SMYD3: variants seen among roughly 807,000 people sequenced by gnomAD.
The protein encoded by SMYD3 is histone-lysine N-methyltransferase SMYD3.
In SMYD3, 36 loss-of-function variants were observed where a neutral mutation model predicts 57.7. That is an observed-to-expected ratio of 0.62 (90% CI 0.48 to 0.82). The LOEUF is 0.82. Among genes scored for constraint, SMYD3 ranks in the 40% least tolerant of loss-of-function variants. The probability of loss-of-function intolerance (pLI) is 0.00; values close to 1 mark genes in which losing one functional copy is unlikely to be tolerated. For synonymous variants in SMYD3, 211 were observed against 195.0 expected, an observed-to-expected ratio of 1.08 and a Z score of -0.68; for missense variants, 515 against 538.8, an observed-to-expected ratio of 0.96 and a Z score of 0.44.
intron 9 of SMYD3, among the ~76,000 whole-genome samples, chr1:245,860,675 C>T (rs1360850421): frequency 1.3e-5 from 2 of 152,228 alleles, no homozygotes; most frequent in Non-Finnish European, 2.9e-5. Context: ...GCATGATTTG[C>T]TCTTGCATTC....
chr1:245,881,489 G>A (rs940015939), intron 8 of SMYD3, among the ~76,000 whole-genome samples: 2 of 152,080 alleles, frequency 1.3e-5, no homozygotes, highest in Non-Finnish European at 2.9e-5. Context: ...GAAGCATCAG[G>A]TAATAGAGAT....
intron 5 of SMYD3, among the ~76,000 whole-genome samples, chr1:246,068,388 T>G (rs934156255): frequency 2.6e-5 from 4 of 152,060 alleles, no homozygotes; most frequent in African/African-American, 9.7e-5. Flanking sequence ...AAATCTATGT[T>G]TTATAATTCT....
intron 10 of SMYD3, among the ~76,000 whole-genome samples, chr1:245,853,502 G>A (rs369794786): frequency 3.3e-5 from 5 of 152,190 alleles, no homozygotes; most frequent in Non-Finnish European, 2.9e-5. Flanking sequence ...CAAAGCAAGC[G>A]CTGGGCGCGT....
At chr1:246,137,836 C>A (rs2061686552) in intron 5 of SMYD3, among the ~76,000 whole-genome samples, 1 of 152,108 alleles carries the variant, frequency 6.6e-6, no homozygotes, top group Admixed American at 6.6e-5. Context: ...ATTTCCATTA[C>A]ATTTTGTATA....
At chr1:246,004,212 A>G in intron 5 of SMYD3, among the ~76,000 whole-genome samples, 1 of 152,242 alleles carries the variant, frequency 6.6e-6, no homozygotes, top group African/African-American at 2.4e-5. Flanking sequence ...CCAGAGAAAT[A>G]ATAATTCTCA....
At chr1:245,918,907 C>T (rs2055652981) in intron 7 of SMYD3, among the ~76,000 whole-genome samples, 1 of 152,194 alleles carries the variant, frequency 6.6e-6, no homozygotes, top group African/African-American at 2.4e-5. Flanking sequence ...AAGCCACTAA[C>T]TCCAGGGCCT....
chr1:246,142,904 A>C (rs541674072), intron 5 of SMYD3, among the ~76,000 whole-genome samples: 1 of 152,238 alleles, frequency 6.6e-6, no homozygotes, highest in East Asian at 1.9e-4. Flanking sequence ...CTTAGTTCCA[A>C]CCTTTGGCAG....
intron 5 of SMYD3, among the ~76,000 whole-genome samples, chr1:246,120,924 T>A (rs1345653347): frequency 6.6e-6 from 1 of 152,196 alleles, no homozygotes; most frequent in Non-Finnish European, 1.5e-5. Context: ...ACCTGCTCAA[T>A]CAGTATTTTC....
At chr1:246,101,071 GTTTTT>G (rs754724096) in intron 5 of SMYD3, among the ~76,000 whole-genome samples, 550 of 53,964 alleles carry the variant, frequency 0.01, no homozygotes, top group South Asian at 0.041. Context: ...GGGGTTTTTT[GTTTTT>G]TTTTTTTTTT....
chr1:246,430,390 T>G (rs2067278755), intron 1 of SMYD3, among the ~76,000 whole-genome samples: 1 of 152,114 alleles, frequency 6.6e-6, no homozygotes, highest in African/African-American at 2.4e-5. Flanking sequence ...GTAAATAACA[T>G]GGAGGTATTT....
At chr1:246,050,107 G>C (rs1029755401) in intron 5 of SMYD3, among the ~76,000 whole-genome samples, 3 of 152,178 alleles carry the variant, frequency 2.0e-5, no homozygotes, top group Non-Finnish European at 4.4e-5. Context: ...CTACAAGCTA[G>C]TGTTCTTTTC....
chr1:245,915,772 T>A, intron 7 of SMYD3, 132 bp from the exon 8 acceptor site: 1 of 557,130 alleles, frequency 1.8e-6, no homozygotes, highest in Non-Finnish European at 3.1e-6. Flanking sequence ...AGAGAGAAGG[T>A]ACTGCTTATA....
Position 246,049,096 on chromosome 1 carries a change from T to C in SMYD3, c.532-119159A>G, listed in dbSNP as rs995322285. On this transcript the variant is annotated intron_variant, in intron 5 of 11. Coordinates refer to ENST00000490107, the MANE Select transcript of SMYD3 (RefSeq NM_001167740.2). ...AGACTGAGAAACAAGGAAAATGGGGTTGGAGGCATTTTGAGGGGAGGAGCA... is the reference window on the plus strand; with the variant it reads ...AGACTGAGAAACAAGGAAAATGGGGCTGGAGGCATTTTGAGGGGAGGAGCA... Among the ~76,000 whole-genome samples the C allele has an allele frequency of 7.9e-5, 12 of 152,026 alleles. No homozygotes were observed. The East Asian group carries it at 2.1e-3, about 27-fold the overall frequency.
intron 8 of SMYD3, among the ~76,000 whole-genome samples, chr1:245,870,674 C>T (rs1004817502): frequency 6.6e-6 from 1 of 152,208 alleles, no homozygotes; most frequent in Non-Finnish European, 1.5e-5. Context: ...TTCAATTGGC[C>T]AAACGCTTCC....
chr1:245,974,088 C>T (rs1412166901), intron 5 of SMYD3, among the ~76,000 whole-genome samples: 1 of 152,166 alleles, frequency 6.6e-6, no homozygotes, highest in African/African-American at 2.4e-5. Context: ...ACAGATGCCA[C>T]TATCTGTTCA....
rs1558550655 is a variant in SMYD3 at position 245,976,831 on chromosome 1, CTAGCCTAGGGAAAGCCAT to C, written c.532-46912_532-46895del. On this transcript the variant is annotated intron_variant, in intron 5 of 11. Transcript: ENST00000490107. Reference sequence around the variant, plus strand: ...TCTAGCCTAGGGAAAGCCATCGTCTCTAGCCTAGGGAAAGCCATCGTCTCTAGCCTAGGGAAAGCCATC... The same window carrying C: ...TCTAGCCTAGGGAAAGCCATCGTCTCCGTCTCTAGCCTAGGGAAAGCCATC... 6.6e-5 allele frequency among the ~76,000 whole-genome samples: 2 copies of C among 30,346 alleles called. 1 individual carries two copies. The highest frequency in any genetic ancestry group is 1.6e-4 in the African/African-American group (2 of 12,718). 19.9% of individuals were successfully genotyped at this position (30,346 alleles called of 152,430 possible). A position where few individuals can be genotyped will look rare whatever the true frequency, so the allele number is the denominator to read the frequency against.
intron 5 of SMYD3, among the ~76,000 whole-genome samples, chr1:246,017,008 T>C (rs2059388402): frequency 6.6e-6 from 1 of 152,156 alleles, no homozygotes; most frequent in Admixed American, 6.5e-5. Flanking sequence ...TTCTGCTTAA[T>C]ACCATAATAC....
At chr1:246,458,174 A>G (rs921140333) in intron 1 of SMYD3, among the ~76,000 whole-genome samples, 3 of 152,186 alleles carry the variant, frequency 2.0e-5, no homozygotes, top group Non-Finnish European at 2.9e-5. Context: ...GGGTCAGGCT[A>G]CAAGGACAGA....
At chr1:246,506,996 C>CCCCCCCCCCCCA in intron 1 of SMYD3, 58 bp downstream of exon 1, 1 of 815,824 alleles carries the variant, frequency 1.2e-6, no homozygotes, top group Admixed American at 4.2e-5. Context: ...GACGCCCCCC[C>CCCCCCCCCCCCA]CTCCCCAGCA....
Sources: gnomAD v4.1 joint callset for allele counts (sites outside exome capture counted in the v4.1 genomes callset) on GRCh38, gnomAD v4.1.1 for gene constraint, MANE v1.5 for transcripts, NCBI Gene and HGNC (gene_info 2026-07-23, HGNC 2026-07-21) for gene names.